The following KLHL1 variants were observed in gnomAD, a reference collection of about 807,000 sequenced individuals.
KLHL1 encodes kelch like family member 1.
In KLHL1, 47 loss-of-function variants were observed where a neutral mutation model predicts 77.7. The ratio of observed to expected loss-of-function variants is 0.60; its 90% confidence interval spans 0.48 to 0.77. KLHL1 has a LOEUF of 0.77. Among genes scored for constraint, KLHL1 ranks in the 30% least tolerant of loss-of-function variants. KLHL1 has a pLI of 0.00. For missense variants in KLHL1, 925 were observed against 910.8 expected (o/e 1.02, Z -0.20); for synonymous variants, 360 against 325.2 (o/e 1.11, Z -1.15).
intron 7 of KLHL1, among the ~76,000 whole-genome samples, chr13:69,765,624 T>C (rs1475081289): frequency 6.6e-6 from 1 of 152,184 alleles, no homozygotes; most frequent in Non-Finnish European, 1.5e-5. Context: ...CCTATCCTAA[T>C]AGAGCCACTA....
intron 6 of KLHL1, among the ~76,000 whole-genome samples, chr13:69,799,138 T>C (rs139924872): frequency 1.7e-3 from 260 of 151,938 alleles, no homozygotes; most frequent in African/African-American, 5.9e-3. Context: ...CTTGTGACTA[T>C]ATTTGACCGA....
chr13:70,034,782 TATGTA>T (rs1886198360), intron 1 of KLHL1, among the ~76,000 whole-genome samples: 1 of 152,170 alleles, frequency 6.6e-6, no homozygotes, highest in African/African-American at 2.4e-5. Flanking sequence ...CTTAAACAGC[TATGTA>T]AAGTTTAGAA....
chr13:70,026,459 T>G (rs1885942957), intron 1 of KLHL1, among the ~76,000 whole-genome samples: 1 of 152,152 alleles, frequency 6.6e-6, no homozygotes, highest in Non-Finnish European at 1.5e-5. Context: ...ATTTATACAT[T>G]TATTTATGTA....
At chr13:69,899,728 C>G (rs1881790855) in intron 4 of KLHL1, among the ~76,000 whole-genome samples, 3 of 152,032 alleles carry the variant, frequency 2.0e-5, no homozygotes. Context: ...AGAGAAAGAT[C>G]AGTGGGAAGG....
chr13:69,710,458 T>C (rs1486215194), intron 9 of KLHL1, among the ~76,000 whole-genome samples: 3 of 151,988 alleles, frequency 2.0e-5, no homozygotes, highest in Non-Finnish European at 4.4e-5. Context: ...AAATTTACAT[T>C]TTACCAGTAA....
intron 4 of KLHL1, among the ~76,000 whole-genome samples, chr13:69,931,385 G>A (rs1028598541): frequency 6.6e-6 from 1 of 151,686 alleles, no homozygotes; most frequent in Non-Finnish European, 1.5e-5. Flanking sequence ...TTGAGCTGAA[G>A]TTTCCCTATC....
intron 6 of KLHL1, among the ~76,000 whole-genome samples, chr13:69,827,575 C>T (rs893606499): frequency 5.9e-5 from 9 of 151,498 alleles, no homozygotes; most frequent in East Asian, 3.9e-4. Flanking sequence ...ACAGAAAATA[C>T]GAAAATTAGC....
At chr13:69,765,139 A>G (rs1875233053) in intron 7 of KLHL1, among the ~76,000 whole-genome samples, 1 of 150,894 alleles carries the variant, frequency 6.6e-6, no homozygotes, top group Non-Finnish European at 1.5e-5. Context: ...TCGAGTAGAG[A>G]TGGGATTTTG....
At chr13:70,093,202 A>G (rs1207223423) in intron 1 of KLHL1, among the ~76,000 whole-genome samples, 4 of 152,156 alleles carry the variant, frequency 2.6e-5, no homozygotes, top group African/African-American at 9.7e-5. Context: ...AAGGGAAGAG[A>G]GAAAAGGGGA....
intron 1 of KLHL1, among the ~76,000 whole-genome samples, chr13:70,056,713 C>T (rs1251323381): frequency 6.6e-6 from 1 of 152,120 alleles, no homozygotes; most frequent in East Asian, 1.9e-4. Context: ...CAATATGCTC[C>T]TGAATGACCA....
chr13:69,883,160 G>A (rs972776140), intron 4 of KLHL1, among the ~76,000 whole-genome samples: 1 of 152,084 alleles, frequency 6.6e-6, no homozygotes, highest in African/African-American at 2.4e-5. Flanking sequence ...CTATCATGAT[G>A]ACAGAATAAT....
chr13:69,988,631 T>C (rs964774509), intron 1 of KLHL1, among the ~76,000 whole-genome samples: 1 of 152,222 alleles, frequency 6.6e-6, no homozygotes, highest in Non-Finnish European at 1.5e-5. Context: ...GTGTTATTTT[T>C]TGACTTTTTA....
chr13:69,968,543 A>T (rs199948287), intron 2 of KLHL1, among the ~76,000 whole-genome samples: 31 of 23,616 alleles, frequency 1.3e-3, no homozygotes, highest in Non-Finnish European at 2.4e-3. Context: ...GTTGAAATTT[A>T]AAAAAAAAAA....
At chr13:69,879,199 T>C (rs1880886083) in intron 5 of KLHL1, among the ~76,000 whole-genome samples, 1 of 152,080 alleles carries the variant, frequency 6.6e-6, no homozygotes, top group African/African-American at 2.4e-5. Context: ...GAACTTAAAG[T>C]ATAATAAAAA....
intron 1 of KLHL1, among the ~76,000 whole-genome samples, chr13:70,061,172 C>G (rs981329983): frequency 2.6e-5 from 4 of 152,068 alleles, no homozygotes; most frequent in Admixed American, 2.0e-4. Context: ...ATCAAATTTT[C>G]TGTTAGTAAT....
intron 4 of KLHL1, among the ~76,000 whole-genome samples, chr13:69,926,320 T>C (rs1227142131): frequency 1.3e-5 from 2 of 152,156 alleles, no homozygotes; most frequent in Non-Finnish European, 2.9e-5. Context: ...AAGCATATAT[T>C]AAATGCCATG....
chr13:70,046,292 G>A (rs1239876838), intron 1 of KLHL1, among the ~76,000 whole-genome samples: 1 of 152,132 alleles, frequency 6.6e-6, no homozygotes, highest in African/African-American at 2.4e-5. Flanking sequence ...TTTTGGGATG[G>A]CATAAATTAC....
In KLHL1 at chr13:69,939,352, T is replaced by TATATATATATATATATACACAC. The variant is rs1303324343; in HGVS notation, c.1014+687_1014+688insGTGTGTATATATATATATATAT. 6.4e-5 allele frequency among the ~76,000 whole-genome samples: 4 copies of TATATATATATATATATACACAC among 62,508 alleles called. 1 individual carries two copies. Among genetic ancestry groups the TATATATATATATATATACACAC allele is most frequent in the African/African-American group, 2.4e-4 (4 of 16,514 alleles). The allele number at this position is 62,508 out of a possible 152,430, so 41.0% of individuals were successfully genotyped here. On this transcript the variant is annotated intron_variant, in intron 4 of 10. Transcript: ENST00000377844. ...ATACATATACATACATATATATATA[T>TATATATATATATATATACACAC]ATATATATATATATATATATATATA...
intron 1 of KLHL1, among the ~76,000 whole-genome samples, chr13:70,039,595 TTC>T (rs916379798): frequency 1.4e-4 from 21 of 151,950 alleles, no homozygotes; most frequent in Admixed American, 7.9e-4. Flanking sequence ...TGATTTTTAT[TTC>T]TCTGTTTTGT....
Sources: gnomAD v4.1 joint callset for allele counts (sites outside exome capture counted in the v4.1 genomes callset) on GRCh38, gnomAD v4.1.1 for gene constraint, MANE v1.5 for transcripts, NCBI Gene and HGNC (gene_info 2026-07-23, HGNC 2026-07-21) for gene names.